UMAD1: variants seen among roughly 807,000 people sequenced by gnomAD.
UMAD1 encodes UBAP1-MVB12-associated (UMA) domain containing 1.
UMAD1 carries 8 observed loss-of-function variants against 6.1 expected under a neutral mutation model. That is an observed-to-expected ratio of 1.30 (90% CI 0.76 to 2.35). UMAD1 has a LOEUF of 2.35. Among genes scored for constraint, UMAD1 ranks in the 30% most tolerant of loss-of-function variants. The pLI, the probability that UMAD1 is intolerant of heterozygous loss-of-function variation, is 0.00. For synonymous variants in UMAD1, 56 were observed against 31.4 expected, an observed-to-expected ratio of 1.78 and a Z score of -2.61; for missense variants, 130 against 78.4, an observed-to-expected ratio of 1.66 and a Z score of -2.49.
chr7:7,695,516 G>A (rs1440785973), intron 2 of UMAD1, among the ~76,000 whole-genome samples: 1 of 151,864 alleles, frequency 6.6e-6, no homozygotes, highest in African/African-American at 2.4e-5. Context: ...TTACTTTCAG[G>A]CATAGAACTT....
chr7:7,655,423 A>G (rs1320864502), intron 1 of UMAD1, among the ~76,000 whole-genome samples: 3 of 152,182 alleles, frequency 2.0e-5, no homozygotes, highest in Admixed American at 1.3e-4. Flanking sequence ...TTAAATGAAA[A>G]GTTTCAGTTT....
intron 3 of UMAD1, among the ~76,000 whole-genome samples, chr7:7,845,855 A>C (rs191214684): frequency 1.9e-4 from 29 of 152,290 alleles, no homozygotes; most frequent in African/African-American, 6.3e-4. Context: ...TCTTCCAATA[A>C]CAGCTATCAT....
At chr7:7,841,314 C>CTTT (rs35468754) in intron 3 of UMAD1, among the ~76,000 whole-genome samples, 11 of 136,800 alleles carry the variant, frequency 8.0e-5, no homozygotes, top group African/African-American at 1.9e-4. Context: ...AACAAGTGAT[C>CTTT]TTTTTTTTTT....
chr7:7,656,308 A>T (rs536164924), intron 1 of UMAD1, among the ~76,000 whole-genome samples: 12 of 150,122 alleles, frequency 8.0e-5, no homozygotes, highest in African/African-American at 2.5e-4. Context: ...TCATGTATTT[A>T]AAAAAATTTT....
At chr7:7,731,134 G>C (rs1270469614) in intron 2 of UMAD1, among the ~76,000 whole-genome samples, 1 of 152,130 alleles carries the variant, frequency 6.6e-6, no homozygotes, top group Non-Finnish European at 1.5e-5. Context: ...GAGTAGCTAG[G>C]ACTACAAGTG....
intron 2 of UMAD1, among the ~76,000 whole-genome samples, chr7:7,764,997 A>G (rs1024723503): frequency 2.0e-5 from 3 of 148,982 alleles, no homozygotes; most frequent in African/African-American, 7.7e-5. Context: ...TATTCTTAAT[A>G]TCATTCTTTT....
chr7:7,746,077 G>A (rs1309040955), intron 2 of UMAD1, among the ~76,000 whole-genome samples: 1 of 152,148 alleles, frequency 6.6e-6, no homozygotes, highest in Non-Finnish European at 1.5e-5. Flanking sequence ...TCTCCCATTA[G>A]CATAGTACTG....
At chr7:7,861,391 A>C (rs931938295) in intron 3 of UMAD1, among the ~76,000 whole-genome samples, 2 of 152,186 alleles carry the variant, frequency 1.3e-5, no homozygotes, top group African/African-American at 4.8e-5. Context: ...TGGAGAAAAC[A>C]CAGCTGTGTT....
At chr7:7,861,915 T>C (rs1784123437) in intron 3 of UMAD1, among the ~76,000 whole-genome samples, 1 of 152,204 alleles carries the variant, frequency 6.6e-6, no homozygotes, top group South Asian at 2.1e-4. Context: ...TTTCAGCATA[T>C]ATTAAGAGCA....
rs992479746 is a variant in UMAD1 at position 7,694,609 on chromosome 7, A to T, written c.82+21156A>T. ...TCTGAGTTCAATTATTTTAATTTTT[A>T]GTTCCCACAAATGAGTGAGAATATG... On this transcript the variant is annotated intron_variant, in intron 2 of 3. Transcript: ENST00000682710. Among the ~76,000 whole-genome samples, 21 of 145,666 alleles carry T rather than the reference A, an allele frequency of 1.4e-4. 1 individual carries two copies. The highest frequency in any genetic ancestry group is 9.4e-4 in the Admixed American group (13 of 13,770).
chr7:7,789,672 G>T (rs1002569113), intron 2 of UMAD1, among the ~76,000 whole-genome samples: 1 of 148,962 alleles, frequency 6.7e-6, no homozygotes, highest in Non-Finnish European at 1.5e-5. Flanking sequence ...CTGTATGAAT[G>T]TGACTACTTT....
intron 2 of UMAD1, among the ~76,000 whole-genome samples, chr7:7,765,449 A>G (rs915744639): frequency 1.3e-5 from 2 of 152,208 alleles, no homozygotes; most frequent in Non-Finnish European, 2.9e-5. Context: ...AATTTTATGA[A>G]AAGTAAATTT....
rs563697497 is a variant in UMAD1 at position 7,722,186 on chromosome 7, T to A, written c.82+48733T>A. 3.4e-5 allele frequency among the ~76,000 whole-genome samples: 5 copies of A among 148,998 alleles called. No homozygotes were observed. The South Asian group carries it at 1.1e-3, about 31-fold the overall frequency. On this transcript the variant is annotated intron_variant, in intron 2 of 3. Coordinates refer to ENST00000682710, the MANE Select transcript of UMAD1 (RefSeq NM_001302348.2). ...ATATATATATGTATATATATGTATA[T>A]CTATATATCTATATAGATATATAGA...
intron 2 of UMAD1, among the ~76,000 whole-genome samples, chr7:7,783,346 G>T (rs761265899): frequency 6.6e-6 from 1 of 151,658 alleles, no homozygotes; most frequent in Non-Finnish European, 1.5e-5. Flanking sequence ...CTGTAGAATT[G>T]GAATATGACA....
chr7:7,828,547 A>T (rs7802936), intron 3 of UMAD1, among the ~76,000 whole-genome samples: 1 of 152,220 alleles, frequency 6.6e-6, no homozygotes, highest in Non-Finnish European at 1.5e-5. Flanking sequence ...ATATCAACCC[A>T]TAGGGACCCC....
At position 7,768,265 on chromosome 7, in the gene UMAD1, C is replaced by T. The variant is rs182497987; in HGVS notation, c.83-33405C>T. On this transcript the variant is annotated intron_variant, in intron 2 of 3. Coordinates refer to ENST00000682710, the MANE Select transcript of UMAD1 (RefSeq NM_001302348.2). ...CTGGAAAAAAATGGAAACAGAAAAG[C>T]AGCCTTCATTCTTCCCATAAAAAGA... Among the ~76,000 whole-genome samples the T allele has an allele frequency of 1.5e-4, 23 of 152,188 alleles. No individual in the cohort carries two copies. In the East Asian group the frequency reaches 4.4e-3, roughly 29 times the overall value.
intron 2 of UMAD1, among the ~76,000 whole-genome samples, chr7:7,703,207 T>C (rs1455940616): frequency 1.3e-5 from 2 of 152,224 alleles, no homozygotes; most frequent in African/African-American, 4.8e-5. Context: ...ACTTGATGTT[T>C]GTACTCTTTT....
intron 1 of UMAD1, among the ~76,000 whole-genome samples, chr7:7,653,716 G>A (rs548084448): frequency 6.6e-6 from 1 of 152,356 alleles, no homozygotes; most frequent in East Asian, 1.9e-4. Flanking sequence ...GTGCTGCTGA[G>A]TGGTTAATGT....
intron 3 of UMAD1, among the ~76,000 whole-genome samples, chr7:7,831,705 T>G (rs1023898886): frequency 3.3e-5 from 5 of 152,176 alleles, no homozygotes; most frequent in Admixed American, 2.6e-4. Flanking sequence ...ATTGACACCG[T>G]TGGGATAATT....
Sources: gnomAD v4.1 joint callset for allele counts (sites outside exome capture counted in the v4.1 genomes callset) on GRCh38, gnomAD v4.1.1 for gene constraint, MANE v1.5 for transcripts, NCBI Gene and HGNC (gene_info 2026-07-23, HGNC 2026-07-21) for gene names.